The following PARD3B variants were observed in gnomAD, a reference collection of about 807,000 sequenced individuals.
PARD3B encodes par-3 family cell polarity regulator beta, also known as partitioning defective 3 homolog B.
Under a neutral mutation model 130.2 loss-of-function variants are expected in PARD3B, and 103 were observed. The ratio of observed to expected loss-of-function variants is 0.79; its 90% CI spans 0.67 to 0.93. The LOEUF (loss-of-function observed/expected upper bound fraction) is 0.93, where lower values mean the gene tolerates loss of function less well. Ranked by LOEUF, PARD3B falls within the 40% of genes least tolerant of loss-of-function variation. PARD3B has a pLI of 0.00. For synonymous variants in PARD3B, 583 were observed against 553.2 expected (o/e 1.05, Z -0.76); for missense variants, 1,609 against 1,499.2 (o/e 1.07, Z -1.21).
At chr2:204,566,523 A>G (rs2031681086) in intron 1 of PARD3B, among the ~76,000 whole-genome samples, 1 of 152,184 alleles carries the variant, frequency 6.6e-6, no homozygotes, top group Non-Finnish European at 1.5e-5. Context: ...AAAAACTACA[A>G]CAACGTTTGT....
chr2:205,307,802 T>C (rs2042237991), intron 18 of PARD3B, among the ~76,000 whole-genome samples: 1 of 152,254 alleles, frequency 6.6e-6, no homozygotes, highest in South Asian at 2.1e-4. Flanking sequence ...ATCCATTTTT[T>C]TTATATAATA....
At chr2:204,982,782 G>A (rs557488712) in intron 3 of PARD3B, among the ~76,000 whole-genome samples, 2 of 152,226 alleles carry the variant, frequency 1.3e-5, no homozygotes, top group East Asian at 1.9e-4. Context: ...ATGTACTCAC[G>A]CTTAAATTGG....
intron 4 of PARD3B, among the ~76,000 whole-genome samples, chr2:205,082,517 G>A (rs1011563461): frequency 6.6e-6 from 1 of 152,044 alleles, no homozygotes; most frequent in African/African-American, 2.4e-5. Context: ...TTCAAACCTG[G>A]AAAACTGATA....
In PARD3B at chr2:205,397,711, T is replaced by G. The variant is rs964604056; in HGVS notation, c.2631-3302T>G. Among the ~76,000 whole-genome samples the G allele has an allele frequency of 1.3e-5, 2 of 152,180 alleles. No homozygotes were observed. The highest frequency in any genetic ancestry group is 1.5e-5 in the Non-Finnish European group (1 of 68,028). On this transcript the variant is annotated intron_variant, in intron 18 of 22. Coordinates refer to ENST00000406610, the MANE Select transcript of PARD3B (RefSeq NM_001302769.2). The surrounding 1 kb of genome is among the most constrained non-coding windows in gnomAD (Gnocchi z 4.8). ...GCTTTTGGCAAAATTTTTGCCCTCA[T>G]CAACCTCCTAAAGCATTATTTCTAC...
intron 1 of PARD3B, among the ~76,000 whole-genome samples, chr2:204,636,091 A>G (rs1159408396): frequency 6.6e-6 from 1 of 152,110 alleles, no homozygotes; most frequent in East Asian, 1.9e-4. Flanking sequence ...TATTAATTAA[A>G]TATTTTAATT....
In PARD3B at chr2:205,615,752, ACCAGTACCCTTACCGAAC is replaced by A; in HGVS notation, c.3562_3579del (p.Tyr1188_Gln1193del). 1 of 1,614,036 alleles carries A rather than the reference ACCAGTACCCTTACCGAAC, an allele frequency of 6.2e-7. No individual in the cohort carries two copies. Among genetic ancestry groups the A allele is most frequent in the Non-Finnish European group, 8.5e-7 (1 of 1,179,982 alleles). ...CCAGGGCCCCGTGGGGGCAGCCCAG[ACCAGTACCCTTACCGAAC>A]CCAGGATTCCCGGCAGAAGAACCCC... On this transcript the variant is annotated inframe_deletion, in exon 23 of 23. Coordinates refer to ENST00000406610, the MANE Select transcript of PARD3B (RefSeq NM_001302769.2).
At position 204,906,462 on chromosome 2, in the gene PARD3B, C is replaced by T. The variant is rs114686125; in HGVS notation, c.223-58690C>T. ...ATATGGGAAGAGAGAATTCTCCTCCCGTGCCAGTTATATATATGGGCAGTA... is the reference window on the plus strand; with the variant it reads ...ATATGGGAAGAGAGAATTCTCCTCCTGTGCCAGTTATATATATGGGCAGTA... On this transcript the variant is annotated intron_variant, in intron 2 of 22. Coordinates refer to ENST00000406610, the MANE Select transcript of PARD3B (RefSeq NM_001302769.2). This position sits in a 1 kb window ranked among gnomAD's most constrained non-coding sequence, Gnocchi z 4.3. Among the ~76,000 whole-genome samples, 2,001 of 152,194 alleles carry T rather than the reference C, an allele frequency of 0.013. 51 individuals carry two copies. Among genetic ancestry groups the T allele is most frequent in the African/African-American group, 0.046 (1,895 of 41,528 alleles).
intron 15 of PARD3B, among the ~76,000 whole-genome samples, chr2:205,197,098 C>T (rs954829483): frequency 4.7e-5 from 7 of 149,378 alleles, no homozygotes; most frequent in African/African-American, 1.5e-4. Flanking sequence ...AGAGAGCATG[C>T]ACATTAATTA....
chr2:205,132,264 G>C (rs1255810919), intron 10 of PARD3B, among the ~76,000 whole-genome samples: 4 of 152,170 alleles, frequency 2.6e-5, no homozygotes, highest in Non-Finnish European at 5.9e-5. Flanking sequence ...TGGGAGTGAA[G>C]GAGTGAGAAA....
intron 20 of PARD3B, among the ~76,000 whole-genome samples, chr2:205,464,516 G>A (rs889777556): frequency 1.3e-5 from 2 of 152,104 alleles, no homozygotes; most frequent in South Asian, 4.2e-4. Context: ...GCCAGAGAGG[G>A]GGGTTAGGAA....
chr2:204,556,867 T>C (rs1366596001), intron 1 of PARD3B, among the ~76,000 whole-genome samples: 5 of 152,196 alleles, frequency 3.3e-5, no homozygotes, highest in African/African-American at 1.2e-4. Flanking sequence ...TTGGTTATGC[T>C]GGTTTTCACA....
chr2:205,126,448 A>T (rs913796182), intron 10 of PARD3B, among the ~76,000 whole-genome samples: 1 of 152,144 alleles, frequency 6.6e-6, no homozygotes, highest in Non-Finnish European at 1.5e-5. Context: ...CCAGTGAAAT[A>T]TAGAAGTACT....
intron 18 of PARD3B, among the ~76,000 whole-genome samples, chr2:205,346,509 A>C (rs1201473819): frequency 6.6e-6 from 1 of 152,154 alleles, no homozygotes; most frequent in African/African-American, 2.4e-5. Flanking sequence ...AGAGGGCTTC[A>C]TGCTTCCCCT....
intron 2 of PARD3B, among the ~76,000 whole-genome samples, chr2:204,828,210 G>C (rs1378845602): frequency 6.6e-6 from 1 of 152,118 alleles, no homozygotes; most frequent in African/African-American, 2.4e-5. Flanking sequence ...TATTGTTTTT[G>C]ATGTTCATTC....
In PARD3B at chr2:205,121,554, A is replaced by C; in HGVS notation, c.807-37A>C. The C allele has an allele frequency of 1.3e-6, 2 of 1,576,960 alleles. No homozygotes were observed. The highest frequency in any genetic ancestry group is 1.7e-6 in the Non-Finnish European group (2 of 1,151,936). On this transcript the variant is annotated intron_variant, in intron 7 of 22. Coordinates refer to ENST00000406610, the MANE Select transcript of PARD3B (RefSeq NM_001302769.2). The surrounding 1 kb of genome is among the most constrained non-coding windows in gnomAD (Gnocchi z 5.0). ...TACTTTAGAAGATGCTGCACCTCAA[A>C]GCAGGGTCATCATACATTTATCAAC...
intron 2 of PARD3B, among the ~76,000 whole-genome samples, chr2:204,908,805 G>A (rs1364057689): frequency 3.3e-5 from 5 of 152,174 alleles, no homozygotes; most frequent in African/African-American, 1.2e-4. Flanking sequence ...TAACGTTTAT[G>A]TAAAAAGAAG....
intron 3 of PARD3B, among the ~76,000 whole-genome samples, chr2:205,030,152 C>T (rs1484273091): frequency 6.6e-6 from 1 of 152,084 alleles, no homozygotes; most frequent in Non-Finnish European, 1.5e-5. Flanking sequence ...GAATAGGTTG[C>T]AGCCCACAGA....
chr2:205,356,530 G>T (rs1231724072), intron 18 of PARD3B, among the ~76,000 whole-genome samples: 2 of 152,022 alleles, frequency 1.3e-5, no homozygotes, highest in South Asian at 4.2e-4. Flanking sequence ...ACCTGGCTGA[G>T]ATTATTTTTT....
At chr2:205,524,879 A>G (rs2051266982) in intron 21 of PARD3B, among the ~76,000 whole-genome samples, 1 of 152,126 alleles carries the variant, frequency 6.6e-6, no homozygotes, top group African/African-American at 2.4e-5. Context: ...CATACTCCTC[A>G]ATGACTCACA....
Sources: gnomAD v4.1 joint callset for allele counts (sites outside exome capture counted in the v4.1 genomes callset) on GRCh38, gnomAD v4.1.1 for gene constraint, Gnocchi (gnomAD v3.1) non-coding constraint, MANE v1.5 for transcripts, NCBI Gene and HGNC (gene_info 2026-07-23, HGNC 2026-07-21) for gene names.